The following AR variants were observed in gnomAD, a reference collection of about 807,000 sequenced individuals.
AR encodes the protein dihydrotestosterone receptor.
A neutral mutation model predicts 53.9 loss-of-function variants in AR; 8 were observed. The ratio of observed to expected loss-of-function variants is 0.15; its 90% CI spans 0.09 to 0.27. The LOEUF is 0.27. Ranked by LOEUF, AR falls within the 10% of genes least tolerant of loss-of-function variation. AR has a pLI of 1.00. For missense variants in AR, 639 were observed against 742.5 expected, an observed-to-expected ratio of 0.86 and a Z score of 1.62; for synonymous variants, 359 against 316.4, an observed-to-expected ratio of 1.13 and a Z score of -1.43.
chrX:67,573,623 A>G (rs1318906626), intron 1 of AR, among the ~76,000 whole-genome samples: 1 of 111,516 alleles, frequency 9.0e-6, no homozygotes, highest in African/African-American at 3.3e-5. Flanking sequence ...ACAACACTGC[A>G]AGCTGACCCA....
At position 67,724,307 on chromosome X, in the gene AR, A is replaced by G. The variant is rs761119845; in HGVS notation, c.*466A>G. The G allele has an allele frequency of 3.4e-4, 61 of 178,973 alleles. No individual in the cohort carries two copies. The highest frequency in any genetic ancestry group is 5.2e-4 in the Admixed American group (7 of 13,534). 14.7% of individuals were successfully genotyped at this position (178,973 alleles called of 1,213,427 possible). On this transcript the variant is annotated 3_prime_UTR_variant, in exon 8 of 8. Coordinates refer to ENST00000374690, the MANE Select transcript of AR (RefSeq NM_000044.6). Reference sequence around the variant, plus strand: ...AAAAAAAGCAAAAACAAAACAAAAAATAAGCCAAAAAACCTTGCTAGTGTT... The same window carrying G: ...AAAAAAAGCAAAAACAAAACAAAAAGTAAGCCAAAAAACCTTGCTAGTGTT...
chrX:67,702,821 C>T (rs912767140), intron 3 of AR, among the ~76,000 whole-genome samples: 3 of 112,090 alleles, frequency 2.7e-5, no homozygotes, highest in African/African-American at 6.5e-5. Flanking sequence ...TGGTGGCTCA[C>T]GCCTATAATC....
In AR at chrX:67,724,428, C is replaced by T. The variant is rs774795598; in HGVS notation, c.*587C>T. On this transcript the variant is annotated 3_prime_UTR_variant, in exon 8 of 8. Coordinates refer to ENST00000374690, the MANE Select transcript of AR (RefSeq NM_000044.6). ...AAATCCCCAAAGAGGCCAATAGTGACGAGAAGGTGAAAATTGCAGGCCCAT... is the reference window on the plus strand; with the variant it reads ...AAATCCCCAAAGAGGCCAATAGTGATGAGAAGGTGAAAATTGCAGGCCCAT... 1.1e-4 allele frequency: 19 copies of T among 173,632 alleles called. No individual in the cohort carries two copies. Among genetic ancestry groups the T allele is most frequent in the African/African-American group, 4.2e-4 (14 of 33,576 alleles). The allele number at this position is 173,632 out of a possible 1,213,427, so 14.3% of individuals were successfully genotyped here.
chrX:67,690,529 C>T (rs1028913491), intron 3 of AR, among the ~76,000 whole-genome samples: 4 of 112,060 alleles, frequency 3.6e-5, no homozygotes, highest in Non-Finnish European at 7.5e-5. Flanking sequence ...TGGCTCTTCA[C>T]AGCATTTATT....
chrX:67,640,401 C>A (rs1314499141), intron 1 of AR, among the ~76,000 whole-genome samples: 1 of 111,290 alleles, frequency 9.0e-6, no homozygotes, highest in East Asian at 2.8e-4. Context: ...ATGGTACCAG[C>A]TCCTCTTTGT....
intron 1 of AR, among the ~76,000 whole-genome samples, chrX:67,635,268 G>A (rs1197009274): frequency 2.7e-5 from 3 of 111,234 alleles, no homozygotes; most frequent in African/African-American, 6.5e-5. Flanking sequence ...GCCGTCTAGA[G>A]TTGAAAATAT....
chrX:67,702,952 A>C (rs58597866), intron 3 of AR, among the ~76,000 whole-genome samples: 16,754 of 110,343 alleles, frequency 0.15, 1,647 homozygotes, highest in African/African-American at 0.35. Context: ...GTAGTGTACA[A>C]CTCTGGTCCC....
intron 3 of AR, among the ~76,000 whole-genome samples, chrX:67,708,081 C>T (rs2076076682): frequency 9.0e-6 from 1 of 111,718 alleles, no homozygotes; most frequent in Non-Finnish European, 1.9e-5. Context: ...AACATTGTAT[C>T]CTTCATTTCA....
At chrX:67,580,490 C>T (rs1488504057) in intron 1 of AR, among the ~76,000 whole-genome samples, 1 of 111,346 alleles carries the variant, frequency 9.0e-6, no homozygotes, top group Non-Finnish European at 1.9e-5. Context: ...TAAAGTGTTA[C>T]TATTATTCTG....
intron 5 of AR, among the ~76,000 whole-genome samples, chrX:67,720,831 T>G: frequency 9.1e-6 from 1 of 109,944 alleles, no homozygotes; most frequent in East Asian, 2.9e-4. Context: ...TAAGTGGGTG[T>G]CAAATTTCCT....
chrX:67,664,771 G>A (rs940764281), intron 2 of AR, among the ~76,000 whole-genome samples: 4 of 112,470 alleles, frequency 3.6e-5, no homozygotes, highest in African/African-American at 9.7e-5. Flanking sequence ...CACCCAGTTC[G>A]AGCTTCCCAG....
At chrX:67,611,173 G>A (rs964492173) in intron 1 of AR, among the ~76,000 whole-genome samples, 4 of 111,665 alleles carry the variant, frequency 3.6e-5, no homozygotes, top group African/African-American at 9.7e-5. Flanking sequence ...AGGAATGTAC[G>A]CATTTTAAGT....
chrX:67,619,555 A>G (rs1924277820), intron 1 of AR, among the ~76,000 whole-genome samples: 1 of 111,038 alleles, frequency 9.0e-6, no homozygotes, highest in African/African-American at 3.3e-5. Flanking sequence ...TCTTGGAGGT[A>G]GACTTGAATT....
chrX:67,628,669 C>G (rs889461671), intron 1 of AR, among the ~76,000 whole-genome samples: 2 of 110,708 alleles, frequency 1.8e-5, no homozygotes, highest in Non-Finnish European at 3.8e-5. Flanking sequence ...ACTTCCAACA[C>G]TATGTTGAAT....
intron 2 of AR, among the ~76,000 whole-genome samples, chrX:67,655,267 G>T (rs1443143550): frequency 9.0e-6 from 1 of 110,538 alleles, no homozygotes; most frequent in Non-Finnish European, 1.9e-5. Context: ...CCTTAACTCT[G>T]CTCAGCTTCA....
chrX:67,723,934 T>C lies in AR; in HGVS notation c.*93T>C. 1 of 1,078,786 alleles carries C rather than the reference T, an allele frequency of 9.3e-7. No individual in the cohort carries two copies. The highest frequency in any genetic ancestry group is 1.3e-6 in the Non-Finnish European group (1 of 785,545). 88.9% of individuals were successfully genotyped at this position (1,078,786 alleles called of 1,213,427 possible). A position where few individuals can be genotyped will look rare whatever the true frequency, so the allele number is the denominator to read the frequency against. On this transcript the variant is annotated 3_prime_UTR_variant, in exon 8 of 8. Transcript: ENST00000374690. ...CTCTGCACTACTCCTCTGCAGTGCC[T>C]TGGGGAATTTCCTCTATTGATGTAC...
intron 3 of AR, among the ~76,000 whole-genome samples, chrX:67,686,862 T>A (rs918406069): frequency 1.8e-5 from 2 of 111,064 alleles, no homozygotes; most frequent in Non-Finnish European, 3.8e-5. Flanking sequence ...ATGAGTGTTG[T>A]CACCATTCCA....
intron 1 of AR, among the ~76,000 whole-genome samples, chrX:67,586,497 G>A (rs1922552625): frequency 8.9e-6 from 1 of 111,879 alleles, no homozygotes; most frequent in African/African-American, 3.2e-5. Context: ...CTTGTCTGCT[G>A]TTACACCTCT....
At chrX:67,689,996 A>T (rs936554656) in intron 3 of AR, among the ~76,000 whole-genome samples, 2 of 110,848 alleles carry the variant, frequency 1.8e-5, no homozygotes, top group Non-Finnish European at 3.8e-5. Flanking sequence ...CCCAAACATG[A>T]TTTATTTCTG....
Sources: gnomAD v4.1 joint callset for allele counts (sites outside exome capture counted in the v4.1 genomes callset) on GRCh38, gnomAD v4.1.1 for gene constraint, MANE v1.5 for transcripts, NCBI Gene and HGNC (gene_info 2026-07-23, HGNC 2026-07-21) for gene names.